The following P3H2 variants were observed in gnomAD, a reference collection of about 807,000 sequenced individuals.
P3H2 encodes leprecan-like 1.
A neutral mutation model predicts 87.0 loss-of-function variants in P3H2; 80 were observed. The observed-to-expected ratio is 0.92, with a 90% CI of 0.77 to 1.11. P3H2 has a LOEUF of 1.11. Ranked by LOEUF, P3H2 falls within the 50% of genes least tolerant of loss-of-function variation. The probability of loss-of-function intolerance (pLI) is 0.00; values close to 1 mark genes in which losing one functional copy is unlikely to be tolerated. For missense variants in P3H2, 1,001 were observed against 923.9 expected (o/e 1.08, Z -1.08); for synonymous variants, 367 against 359.3 (o/e 1.02, Z -0.24).
intron 1 of P3H2, among the ~76,000 whole-genome samples, chr3:190,028,403 CAG>C (rs1223498048): frequency 2.0e-5 from 3 of 152,152 alleles, no homozygotes; most frequent in Non-Finnish European, 4.4e-5. Flanking sequence ...CTGGGAGAAA[CAG>C]AGAAAAATCT....
Position 190,080,601 on chromosome 3 carries a change from C to T in P3H2, c.480+39651G>A, listed in dbSNP as rs147829222. Among the ~76,000 whole-genome samples the T allele has an allele frequency of 2.2e-3, 341 of 152,090 alleles. 2 individuals are homozygous for T. The highest frequency in any genetic ancestry group is 7.9e-3 in the African/African-American group (328 of 41,474). On this transcript the variant is annotated intron_variant, in intron 1 of 14. Coordinates refer to ENST00000319332, the MANE Select transcript of P3H2 (RefSeq NM_018192.4). Reference sequence around the variant, plus strand: ...ATTTTTAGTAAAGACAGGGTTTTTCCATGTTGGTCAGGCTAGTCTCGAACT... The same window carrying T: ...ATTTTTAGTAAAGACAGGGTTTTTCTATGTTGGTCAGGCTAGTCTCGAACT...
intron 6 of P3H2, among the ~76,000 whole-genome samples, chr3:189,985,197 A>G (rs567170501): frequency 7.9e-5 from 12 of 152,146 alleles, no homozygotes; most frequent in African/African-American, 2.9e-4. Flanking sequence ...AATTTTATAA[A>G]TGTATTAACT....
At chr3:189,975,754 G>A (rs1723331078) in intron 8 of P3H2, among the ~76,000 whole-genome samples, 1 of 152,164 alleles carries the variant, frequency 6.6e-6, no homozygotes, top group Admixed American at 6.5e-5. Flanking sequence ...GAAGAGCACT[G>A]TCTAAATGTT....
chr3:190,113,516 T>G (rs1577330238), intron 1 of P3H2, among the ~76,000 whole-genome samples: 1 of 152,178 alleles, frequency 6.6e-6, no homozygotes, highest in Middle Eastern at 3.2e-3. Context: ...CTCTAAGAAA[T>G]CCACAGTTTA....
At chr3:190,113,990 G>C (rs181676334) in intron 1 of P3H2, among the ~76,000 whole-genome samples, 2,899 of 144,240 alleles carry the variant, frequency 0.02, 105 homozygotes, top group African/African-American at 0.071. Context: ...TGAGGCAGGA[G>C]AATGGCGTGA....
At chr3:189,965,540 A>G (rs1722948871) in intron 13 of P3H2, among the ~76,000 whole-genome samples, 1 of 152,214 alleles carries the variant, frequency 6.6e-6, no homozygotes, top group Admixed American at 6.5e-5. Context: ...CAGCTTTACC[A>G]AGGCAACTGT....
intron 1 of P3H2, among the ~76,000 whole-genome samples, chr3:189,996,825 C>T (rs1331370867): frequency 2.6e-5 from 4 of 152,024 alleles, no homozygotes; most frequent in Non-Finnish European, 5.9e-5. Flanking sequence ...AAGAACAGCA[C>T]ATAAAATGCT....
intron 4 of P3H2, among the ~76,000 whole-genome samples, chr3:189,988,447 C>CAT (rs766236620): frequency 3.3e-5 from 5 of 151,000 alleles, no homozygotes; most frequent in African/African-American, 7.4e-5. Context: ...CACACACACA[C>CAT]ATATATATAT....
At chr3:190,089,103 C>G (rs1456555587) in intron 1 of P3H2, among the ~76,000 whole-genome samples, 1 of 152,188 alleles carries the variant, frequency 6.6e-6, no homozygotes, top group Non-Finnish European at 1.5e-5. Flanking sequence ...CTAGGGCCAG[C>G]ATTCATGCCA....
intron 6 of P3H2, 119 bp from the exon 7 acceptor site, chr3:189,984,709 T>C (rs1035225264): frequency 2.8e-6 from 2 of 727,144 alleles, no homozygotes; most frequent in East Asian, 2.6e-5. Context: ...TTTAGGAATT[T>C]TGCATATTGT....
intron 1 of P3H2, among the ~76,000 whole-genome samples, chr3:190,102,529 G>C (rs1236980819): frequency 6.6e-6 from 1 of 152,166 alleles, no homozygotes; most frequent in East Asian, 1.9e-4. Flanking sequence ...AAAAAGTGGA[G>C]CCTGAGATGT....
At chr3:189,973,384 A>G (rs1456268474) in intron 10 of P3H2, among the ~76,000 whole-genome samples, 5 of 152,152 alleles carry the variant, frequency 3.3e-5, no homozygotes, top group Non-Finnish European at 5.9e-5. Flanking sequence ...CAGGAAATGT[A>G]AAGTTTGATA....
intron 1 of P3H2, among the ~76,000 whole-genome samples, chr3:190,079,668 A>C (rs1014897748): frequency 6.6e-6 from 1 of 152,086 alleles, no homozygotes; most frequent in Non-Finnish European, 1.5e-5. Flanking sequence ...AGAGTACCTA[A>C]CACCACCACA....
chr3:190,108,717 C>G (rs2108520962), intron 1 of P3H2, among the ~76,000 whole-genome samples: 1 of 152,200 alleles, frequency 6.6e-6, no homozygotes, highest in South Asian at 2.1e-4. Context: ...ATCTTCATAT[C>G]TCCAGGGCCT....
At chr3:190,015,232 A>G (rs1196544210) in intron 1 of P3H2, among the ~76,000 whole-genome samples, 1 of 152,056 alleles carries the variant, frequency 6.6e-6, no homozygotes, top group Non-Finnish European at 1.5e-5. Context: ...TACTTTCCTG[A>G]GATTACAGGC....
chr3:189,959,671 C>A (rs1393317063), intron 14 of P3H2, among the ~76,000 whole-genome samples: 2 of 152,050 alleles, frequency 1.3e-5, no homozygotes, highest in African/African-American at 4.8e-5. Flanking sequence ...TCTCTGGATG[C>A]TCCCATTATA....
Position 190,120,435 on chromosome 3 carries a change from G to T in P3H2, c.297C>A (p.Pro99=), listed in dbSNP as rs996289216. ...AARHPLPPPP[P]GEGPGAELPL... is the part of the protein sequence containing the mutation. ...GCAGCTCAGCGCCGGGGCCCTCGCC[G>T]GGGGGCGGGGGCGGGAGCGGGTGGC... Residue 99 remains proline (P), a synonymous_variant, in exon 1 of 15, where the codon CCC becomes CCA. Transcript: ENST00000319332. The T allele has an allele frequency of 1.4e-6, 2 of 1,443,022 alleles. No homozygotes were observed. The highest frequency in any genetic ancestry group is 2.9e-5 in the East Asian group (1 of 34,412). 89.4% of individuals were successfully genotyped at this position (1,443,022 alleles called of 1,614,324 possible).
At position 189,988,983 on chromosome 3, in the gene P3H2, G is replaced by A. The variant is rs920655776; in HGVS notation, c.879C>T (p.Thr293=). 6.2e-7 allele frequency: 1 copy of A among 1,613,896 alleles called. No homozygotes were observed. Among genetic ancestry groups the A allele is most frequent in the African/African-American group, 1.3e-5 (1 of 74,864 alleles). ...CQHECVRELA[T]RPGRLSPIEN... is the part of the protein sequence containing the mutation. ...CGATGGGAGAGAGGCGGCCAGGGCG[G>A]GTGGCAAGTTCCCTCACACATTCAT... The change falls in exon 4 of 15, where the codon ACC becomes ACT. Residue 293 remains threonine, a synonymous_variant. Coordinates refer to ENST00000319332, the MANE Select transcript of P3H2 (RefSeq NM_018192.4).
At chr3:190,042,481 C>T (rs1378746876) in intron 1 of P3H2, among the ~76,000 whole-genome samples, 1 of 151,858 alleles carries the variant, frequency 6.6e-6, no homozygotes, top group Admixed American at 6.6e-5. Flanking sequence ...CCATCTATCT[C>T]ACAGGCATAT....
Sources: allele counts gnomAD v4.1 joint callset (sites outside exome capture counted in the v4.1 genomes callset), GRCh38; gene constraint gnomAD v4.1.1; transcripts MANE v1.5; gene names NCBI Gene and HGNC (gene_info 2026-07-23, HGNC 2026-07-21).